The following RNF217 variants were observed in gnomAD, a reference collection of about 807,000 sequenced individuals.
RNF217 encodes E3 ubiquitin-protein ligase RNF217.
RNF217 carries 31 observed loss-of-function variants against 57.8 expected under a neutral mutation model. The ratio of observed to expected loss-of-function variants is 0.54; its 90% confidence interval spans 0.40 to 0.72. RNF217 has a LOEUF of 0.72. Ranked by LOEUF, RNF217 falls within the 30% of genes least tolerant of loss-of-function variation. RNF217 has a pLI of 0.00. For missense variants in RNF217, 696 were observed against 708.3 expected, an observed-to-expected ratio of 0.98 and a Z score of 0.20; for synonymous variants, 313 against 294.0, an observed-to-expected ratio of 1.06 and a Z score of -0.66.
Position 125,092,452 on chromosome 6 carries a change from T to C in RNF217, c.*9515T>C, listed in dbSNP as rs1166290575. On this transcript the variant is annotated 3_prime_UTR_variant, in exon 6 of 6. Coordinates refer to ENST00000521654, the MANE Select transcript of RNF217 (RefSeq NM_001286398.3). ...AGTAATCTTAATTATGAAATCAGAT[T>C]GCATGGAAGAATATAAAGACACTCA... 4 of 152,292 alleles carry C rather than the reference T, an allele frequency of 2.6e-5. No individual in the cohort carries two copies. In the East Asian group the frequency reaches 7.7e-4, roughly 29 times the overall value. 9.4% of individuals were successfully genotyped at this position (152,292 alleles called of 1,614,324 possible).
At chr6:125,071,596 T>C (rs1788148871) in intron 3 of RNF217, among the ~76,000 whole-genome samples, 1 of 151,916 alleles carries the variant, frequency 6.6e-6, no homozygotes, top group Admixed American at 6.6e-5. Context: ...CAAAAATGGC[T>C]CCTTGTGTCA....
chr6:125,054,037 A>G (rs1352494627), intron 2 of RNF217, among the ~76,000 whole-genome samples: 2 of 152,146 alleles, frequency 1.3e-5, no homozygotes, highest in Non-Finnish European at 2.9e-5. Context: ...CTGATACGTG[A>G]TACCTAAACT....
rs542562774 is a variant in RNF217 at position 125,015,611 on chromosome 6, C to T, written c.883-29600C>T. 1.6e-3 allele frequency among the ~76,000 whole-genome samples: 236 copies of T among 151,892 alleles called. 1 individual carries two copies. The highest frequency in any genetic ancestry group is 2.7e-3 in the Non-Finnish European group (181 of 67,930). ...TAGAGTATGATCACTATTTTACTTACGTTTTAATATATATACATTATAATT... is the reference window on the plus strand; with the variant it reads ...TAGAGTATGATCACTATTTTACTTATGTTTTAATATATATACATTATAATT... On this transcript the variant is annotated intron_variant, in intron 1 of 5. Transcript: ENST00000521654.
chr6:124,975,693 T>C (rs975854426), intron 1 of RNF217, among the ~76,000 whole-genome samples: 5 of 151,978 alleles, frequency 3.3e-5, no homozygotes, highest in African/African-American at 9.7e-5. Context: ...CACCTGGGCC[T>C]CCCGAAGTGC....
At chr6:125,030,575 G>A (rs199754035) in intron 1 of RNF217, among the ~76,000 whole-genome samples, 1 of 152,192 alleles carries the variant, frequency 6.6e-6, no homozygotes, top group East Asian at 1.9e-4. Context: ...AAATCCAGTA[G>A]GGCAGTCCAA....
intron 3 of RNF217, among the ~76,000 whole-genome samples, chr6:125,063,470 C>T (rs981679922): frequency 4.6e-5 from 7 of 152,046 alleles, no homozygotes; most frequent in Non-Finnish European, 7.4e-5. Flanking sequence ...TACCTTTGTC[C>T]GGTGCTCTTT....
intron 1 of RNF217, among the ~76,000 whole-genome samples, chr6:124,987,350 T>G (rs1784400179): frequency 6.6e-6 from 1 of 152,134 alleles, no homozygotes; most frequent in Non-Finnish European, 1.5e-5. Flanking sequence ...CTAAGAGAAA[T>G]CCCATACCCA....
rs1788783889 is a variant in RNF217 at position 125,086,840 on chromosome 6, A to C, written c.*3903A>C. 1 of 152,134 alleles carries C rather than the reference A, an allele frequency of 6.6e-6. No individual in the cohort carries two copies. The highest frequency in any genetic ancestry group is 1.5e-5 in the Non-Finnish European group (1 of 68,000). The allele number at this position is 152,134 out of a possible 1,614,324, so 9.4% of individuals were successfully genotyped here. On this transcript the variant is annotated 3_prime_UTR_variant, in exon 6 of 6. Transcript: ENST00000521654. Reference sequence around the variant, plus strand: ...GTATCAAGATTCAGTGGTGCTTGTCAGAAAATACCTTGTTCTGTGACTCTG... The same window carrying C: ...GTATCAAGATTCAGTGGTGCTTGTCCGAAAATACCTTGTTCTGTGACTCTG...
At chr6:124,991,556 C>G (rs142364966) in intron 1 of RNF217, among the ~76,000 whole-genome samples, 7 of 152,156 alleles carry the variant, frequency 4.6e-5, no homozygotes, top group African/African-American at 1.4e-4. Context: ...TTTTTCTCCC[C>G]GCAAGGCTGT....
At chr6:124,973,834 G>A (rs749010592) in intron 1 of RNF217, among the ~76,000 whole-genome samples, 6 of 152,088 alleles carry the variant, frequency 3.9e-5, no homozygotes, top group African/African-American at 1.2e-4. Context: ...AAAAAAGAAC[G>A]ATTTTATTTT....
intron 1 of RNF217, among the ~76,000 whole-genome samples, chr6:125,002,364 C>T (rs1785022274): frequency 6.6e-6 from 1 of 152,200 alleles, no homozygotes. Context: ...TGGTCTTTAA[C>T]TGGCCCAAGT....
intron 1 of RNF217, among the ~76,000 whole-genome samples, chr6:124,999,932 A>G (rs1645025083): frequency 6.6e-6 from 1 of 152,208 alleles, no homozygotes; most frequent in Non-Finnish European, 1.5e-5. Context: ...TTACAAATTG[A>G]CAAGATCAGT....
chr6:124,972,786 A>G (rs1261397091), intron 1 of RNF217, among the ~76,000 whole-genome samples: 2 of 152,096 alleles, frequency 1.3e-5, no homozygotes, highest in Non-Finnish European at 2.9e-5. Flanking sequence ...TTGACCCCCT[A>G]TATCTAGATT....
chr6:125,044,723 A>G (rs370794392), intron 1 of RNF217, among the ~76,000 whole-genome samples: 109 of 152,242 alleles, frequency 7.2e-4, no homozygotes, highest in Middle Eastern at 3.4e-3. Flanking sequence ...GGCATTATAC[A>G]TTACAAAATC....
At chr6:125,016,616 G>A (rs560101773) in intron 1 of RNF217, among the ~76,000 whole-genome samples, 2 of 152,044 alleles carry the variant, frequency 1.3e-5, no homozygotes, top group African/African-American at 2.4e-5. Flanking sequence ...TAAACACCAC[G>A]GAATACTGTG....
intron 1 of RNF217, among the ~76,000 whole-genome samples, chr6:124,993,926 T>C (rs2115051160): frequency 6.6e-6 from 1 of 152,272 alleles, no homozygotes; most frequent in South Asian, 2.1e-4. Flanking sequence ...GAGCCATTAA[T>C]CTATGACAAG....
At chr6:125,053,266 A>G (rs755388156) in intron 2 of RNF217, among the ~76,000 whole-genome samples, 2 of 152,080 alleles carry the variant, frequency 1.3e-5, no homozygotes, top group Non-Finnish European at 2.9e-5. Flanking sequence ...GTCAGACCCC[A>G]GTAAGTTCCT....
rs1475269973 is a variant in RNF217 at position 125,076,804 on chromosome 6, C to T, written c.1429C>T (p.Arg477Cys). 15 of 1,613,490 alleles carry T rather than the reference C, an allele frequency of 9.3e-6. No individual in the cohort carries two copies. Among genetic ancestry groups the T allele is most frequent in the Admixed American group, 6.7e-5 (4 of 59,922 alleles). ...SNLSIFGCKY[R>C]YLPERPHLRR... ...CCTCAGTATATTTGGATGCAAATAT[C>T]GCTACCTCCCAGAGAGACCTCATTT... Residue 477 changes from arginine to cysteine, a missense_variant, in exon 4 of 6, where the codon CGC (arginine) becomes TGC (cysteine). Transcript: ENST00000521654.
chr6:125,018,194 T>C (rs1785685663), intron 1 of RNF217, among the ~76,000 whole-genome samples: 1 of 152,166 alleles, frequency 6.6e-6, no homozygotes, highest in Non-Finnish European at 1.5e-5. Context: ...ATGCCACTGT[T>C]TTATATCTGT....
Sources: allele counts gnomAD v4.1 joint callset (sites outside exome capture counted in the v4.1 genomes callset), GRCh38; gene constraint gnomAD v4.1.1; transcripts MANE v1.5; gene names NCBI Gene and HGNC (gene_info 2026-07-23, HGNC 2026-07-21).